Variants in NEBL observed in about 807,000 individuals in gnomAD.
NEBL encodes the protein LIM and SH3 protein 2.
Under a neutral mutation model 140.2 loss-of-function variants are expected in NEBL, and 122 were observed. The ratio of observed to expected loss-of-function variants is 0.87; its 90% CI spans 0.75 to 1.01. The LOEUF (loss-of-function observed/expected upper bound fraction) is 1.01, where lower values mean the gene tolerates loss of function less well. Among genes scored for constraint, NEBL ranks in the 50% least tolerant of loss-of-function variants. The pLI is 0.00. For synonymous variants in NEBL, 436 were observed against 398.9 expected, an observed-to-expected ratio of 1.09 and a Z score of -1.11; for missense variants, 1,365 against 1,231.3, an observed-to-expected ratio of 1.11 and a Z score of -1.62.
At chr10:21,088,886 A>G (rs1589223103) in intron 2 of NEBL, among the ~76,000 whole-genome samples, 1 of 152,138 alleles carries the variant, frequency 6.6e-6, no homozygotes, top group East Asian at 1.9e-4. Context: ...AGAGCTGGAG[A>G]CTTTCTGGAA....
rs896324500 is a variant in NEBL, at chr10:20,861,326, C to T, written c.685-1500G>A. On this transcript the variant is annotated intron_variant, in intron 7 of 27. Transcript: ENST00000377122. ...CCAAGCAGCTGGGACTACAGGTGCT[C>T]GCCACCACGCTCAGCTAATTTTTTG... Among the ~76,000 whole-genome samples, 7 of 152,114 alleles carry T rather than the reference C, an allele frequency of 4.6e-5. No individual in the cohort carries two copies. In the South Asian group the frequency reaches 8.3e-4, roughly 18 times the overall value.
chr10:20,815,911 G>A, intron 21 of NEBL, 194 bp from the exon 22 acceptor site: 1 of 576,190 alleles, frequency 1.7e-6, no homozygotes, highest in South Asian at 2.0e-5. Flanking sequence ...TGGGATTACA[G>A]GCACCTGCCA....
intron 2 of NEBL, among the ~76,000 whole-genome samples, chr10:21,127,563 GA>G (rs199955302): frequency 1.7e-3 from 231 of 139,010 alleles, no homozygotes; most frequent in African/African-American, 4.5e-3. Context: ...ATCTTGCCTA[GA>G]AAAAAAAAAA....
chr10:21,219,857 TG>T (rs1300116923), intron 3 of NEBL, among the ~76,000 whole-genome samples: 2 of 138,250 alleles, frequency 1.4e-5, no homozygotes, highest in African/African-American at 6.7e-5. Flanking sequence ...ATTATTTTCT[TG>T]GGTTTTTTTT....
At chr10:21,095,928 G>A (rs1837166546) in intron 2 of NEBL, among the ~76,000 whole-genome samples, 1 of 152,186 alleles carries the variant, frequency 6.6e-6, no homozygotes, top group South Asian at 2.1e-4. Context: ...GACTGGATAA[G>A]TCATTTAACC....
Position 20,908,057 on chromosome 10 carries a change from T to C in NEBL, c.357+53615A>G, listed in dbSNP as rs191581165. Among the ~76,000 whole-genome samples, 222 of 152,296 alleles carry C rather than the reference T, an allele frequency of 1.5e-3. 1 individual carries two copies. Among genetic ancestry groups the C allele is most frequent in the African/African-American group, 5.1e-3 (213 of 41,564 alleles). ...AGTTCTTGAACTCTCCACTGACCTA[T>C]ACCAGGTACCGAGAAAAGGTACCAA... On this transcript the variant is annotated intron_variant, in intron 4 of 6. Coordinates refer to the NEBL transcript ENST00000417816.
Position 21,155,296 on chromosome 10 carries a change from C to T in NEBL, c.164+17087G>A, listed in dbSNP as rs188476937. 2.3e-3 allele frequency among the ~76,000 whole-genome samples: 351 copies of T among 152,294 alleles called. 2 individuals are homozygous for T. The highest frequency in any genetic ancestry group is 3.1e-3 in the Admixed American group (47 of 15,290). On this transcript the variant is annotated intron_variant, in intron 2 of 6. Transcript: ENST00000417816. The stretch of plus-strand genomic sequence containing the variant: ...GAGTTACAAACAATCCAATTATATT[C>T]TATTAGTTATTTTTAAATGTACAAT...
intron 4 of NEBL, among the ~76,000 whole-genome samples, chr10:20,928,078 T>C (rs1290630117): frequency 6.6e-6 from 1 of 152,230 alleles, no homozygotes; most frequent in African/African-American, 2.4e-5. Context: ...AAATTATTAA[T>C]GGAATAGTTT....
intron 4 of NEBL, among the ~76,000 whole-genome samples, chr10:20,919,642 T>A (rs1405299277): frequency 2.6e-5 from 4 of 152,130 alleles, no homozygotes; most frequent in Non-Finnish European, 5.9e-5. Context: ...AGGAAAAGCA[T>A]ATAATTGGAT....
intron 3 of NEBL, among the ~76,000 whole-genome samples, chr10:20,982,170 A>G (rs547629351): frequency 1.3e-5 from 2 of 152,218 alleles, no homozygotes; most frequent in African/African-American, 2.4e-5. Context: ...GTACTCAAAA[A>G]TCATTTGCAT....
At chr10:20,876,526 G>T (rs1221519004) in intron 5 of NEBL, among the ~76,000 whole-genome samples, 2 of 151,886 alleles carry the variant, frequency 1.3e-5, no homozygotes, top group African/African-American at 2.4e-5. Context: ...TGATGGAATA[G>T]AAATTGTTTA....
chr10:21,132,827 C>T (rs1268165754), intron 2 of NEBL, among the ~76,000 whole-genome samples: 1 of 152,124 alleles, frequency 6.6e-6, no homozygotes, highest in Non-Finnish European at 1.5e-5. Context: ...AATTGGGTTA[C>T]TTGTCTTTTA....
intron 4 of NEBL, among the ~76,000 whole-genome samples, chr10:20,922,763 C>G (rs1214926242): frequency 1.4e-5 from 2 of 147,922 alleles, no homozygotes; most frequent in African/African-American, 5.3e-5. Context: ...GCACTCGAGC[C>G]ATCCCATCCC....
At chr10:20,961,928 C>A in intron 3 of NEBL, 1 of 640,858 alleles carries the variant, frequency 1.6e-6, no homozygotes. Flanking sequence ...AAGGAAACAG[C>A]CAGGCTACCT....
At chr10:20,920,629 A>T (rs1833537417) in intron 4 of NEBL, among the ~76,000 whole-genome samples, 26 of 152,232 alleles carry the variant, frequency 1.7e-4, no homozygotes, top group Admixed American at 1.7e-3. Context: ...AAGACAAACA[A>T]AAACTAATAA....
intron 26 of NEBL, among the ~76,000 whole-genome samples, chr10:20,787,619 GT>G (rs1360572863): frequency 1.3e-5 from 2 of 152,136 alleles, no homozygotes; most frequent in East Asian, 1.9e-4. Context: ...ATGAAATCAT[GT>G]TTTTATTCGA....
At chr10:21,171,335 CAA>C (rs576463516) in intron 2 of NEBL, among the ~76,000 whole-genome samples, 5 of 66,738 alleles carry the variant, frequency 7.5e-5, no homozygotes, top group Non-Finnish European at 9.9e-5. Context: ...ACTTCTGTCT[CAA>C]AAAAAAAAAA....
chr10:21,025,491 C>T (rs1169446340), intron 2 of NEBL, among the ~76,000 whole-genome samples: 1 of 152,062 alleles, frequency 6.6e-6, no homozygotes, highest in African/African-American at 2.4e-5. Flanking sequence ...AATTTTTTTT[C>T]TCTGTGAGAT....
intron 18 of NEBL, 43 bp downstream of exon 18, chr10:20,826,404 G>A (rs554263529): frequency 2.3e-5 from 34 of 1,451,054 alleles, no homozygotes; most frequent in East Asian, 9.1e-5. Context: ...CTATAGTTTT[G>A]GTTTGCTTTT....
Sources: gnomAD v4.1 joint callset for allele counts (sites outside exome capture counted in the v4.1 genomes callset) on GRCh38, gnomAD v4.1.1 for gene constraint, MANE v1.5 for transcripts, NCBI Gene and HGNC (gene_info 2026-07-23, HGNC 2026-07-21) for gene names.